Variants in EPDR1 observed in about 807,000 individuals in gnomAD.
EPDR1 encodes ependymin related 1.
Under a neutral mutation model 23.7 loss-of-function variants are expected in EPDR1, and 27 were observed. The ratio of observed to expected loss-of-function variants is 1.14; its 90% CI spans 0.84 to 1.57. The LOEUF (loss-of-function observed/expected upper bound fraction) is 1.57, where lower values mean the gene tolerates loss of function less well. Among genes scored for constraint, EPDR1 ranks in the 40% most tolerant of loss-of-function variants. The pLI is 0.00. For missense variants in EPDR1, 349 were observed against 290.4 expected, an observed-to-expected ratio of 1.20 and a Z score of -1.47; for synonymous variants, 137 against 118.2, an observed-to-expected ratio of 1.16 and a Z score of -1.03.
Position 37,921,304 on chromosome 7 carries a change from C to A in EPDR1, c.269+96C>A, listed in dbSNP as rs1219859035. On this transcript the variant is annotated intron_variant, in intron 1 of 2. Transcript: ENST00000199448. ...CCTGCGCCCTGTAACTCTTTCCGGC[C>A]CCTTGCAGCTCCTCCCTTCTCCCAG... 2.8e-6 allele frequency: 4 copies of A among 1,454,488 alleles called. No homozygotes were observed. The Admixed American group carries it at 7.9e-5, about 29-fold the overall frequency. The allele number at this position is 1,454,488 out of a possible 1,614,324, so 90.1% of individuals were successfully genotyped here.
chr7:37,949,194 G>T, intron 2 of EPDR1, 146 bp downstream of exon 2: 1 of 701,524 alleles, frequency 1.4e-6, no homozygotes, highest in Non-Finnish European at 2.3e-6. Context: ...AGGTTACTTT[G>T]CTCACTATGT....
chr7:37,932,637 G>A (rs1785968082), intron 1 of EPDR1, among the ~76,000 whole-genome samples: 1 of 152,094 alleles, frequency 6.6e-6, no homozygotes, highest in Non-Finnish European at 1.5e-5. Flanking sequence ...CTGCTAAATG[G>A]CATCATGCTG....
rs1238089074 is a variant in EPDR1, at chr7:37,934,747, C to T, written c.269+13539C>T. On this transcript the variant is annotated intron_variant, in intron 1 of 2. Coordinates refer to ENST00000199448, the MANE Select transcript of EPDR1 (RefSeq NM_017549.5). ...TCACTTGAGGCCAGGAGTTTGAGAC[C>T]ACCCTGGGTAATATGACAAAACCCC... 5.3e-5 allele frequency among the ~76,000 whole-genome samples: 8 copies of T among 152,030 alleles called. No homozygotes were observed. The East Asian group carries it at 1.3e-3, about 26-fold the overall frequency.
intron 1 of EPDR1, among the ~76,000 whole-genome samples, chr7:37,942,322 A>G (rs189353533): frequency 1.6e-4 from 24 of 152,342 alleles, no homozygotes; most frequent in Admixed American, 9.8e-4. Context: ...GCTACAGCGC[A>G]GATAAACTTT....
intron 1 of EPDR1, among the ~76,000 whole-genome samples, chr7:37,934,381 TCC>T (rs1463553178): frequency 6.6e-6 from 1 of 151,824 alleles, no homozygotes; most frequent in Non-Finnish European, 1.5e-5. Flanking sequence ...TTATATCCTC[TCC>T]CAACTACAGT....
At chr7:37,941,195 G>A (rs75208323) in intron 1 of EPDR1, among the ~76,000 whole-genome samples, 5,120 of 152,232 alleles carry the variant, frequency 0.034, 297 homozygotes, top group African/African-American at 0.12. Context: ...AAGATAGATG[G>A]ATGTCATTTA....
Position 37,950,214 on chromosome 7 carries a change from G to A in EPDR1, c.493G>A (p.Gly165Ser). Residue 165 changes from glycine (G) to serine (S), a missense_variant, in exon 3 of 3, where the codon GGC becomes AGC. By Grantham distance (56) the Gly-to-Ser change is moderately conservative. Transcript: ENST00000199448. ...KSARSYETWI[G>S]IYTVKDCYPV... The stretch of plus-strand genomic sequence containing the variant: ...TCCTCTTATAGATGAAACCTGGATT[G>A]GCATCTATACAGTCAAGGATTGCTA... The A allele has an allele frequency of 1.2e-6, 2 of 1,600,270 alleles. No individual in the cohort carries two copies. Among genetic ancestry groups the A allele is most frequent in the Non-Finnish European group, 8.5e-7 (1 of 1,170,134 alleles).
At chr7:37,937,356 AC>A (rs1257859972) in intron 1 of EPDR1, among the ~76,000 whole-genome samples, 29 of 152,214 alleles carry the variant, frequency 1.9e-4, no homozygotes, top group Admixed American at 1.8e-3. Flanking sequence ...ATATGACAAA[AC>A]CCAGAAACAA....
chr7:37,948,470 AGTAGCTGGGACTACAGCT>A (rs1786327540), intron 1 of EPDR1, among the ~76,000 whole-genome samples: 1 of 151,914 alleles, frequency 6.6e-6, no homozygotes, highest in African/African-American at 2.4e-5. Context: ...CAACCTCCCA[AGTAGCTGGGACTACAGCT>A]GTGCACTGCC....
At chr7:37,932,911 C>CT (rs35409374) in intron 1 of EPDR1, among the ~76,000 whole-genome samples, 2 of 152,194 alleles carry the variant, frequency 1.3e-5, no homozygotes, top group East Asian at 3.8e-4. Context: ...TTCTCAAGCA[C>CT]TTTTTTCATC....
At chr7:37,946,406 T>A (rs1786275447) in intron 1 of EPDR1, among the ~76,000 whole-genome samples, 1 of 152,244 alleles carries the variant, frequency 6.6e-6, no homozygotes, top group Non-Finnish European at 1.5e-5. Context: ...GTTTTCTGAC[T>A]TTTTATTAAT....
rs1347900474 is a variant in EPDR1 at position 37,937,984 on chromosome 7, A to ATTTTT, written c.270-10856_270-10855insTTTTT. 5.0e-4 allele frequency among the ~76,000 whole-genome samples: 31 copies of ATTTTT among 62,250 alleles called. 1 individual carries two copies. The highest frequency in any genetic ancestry group is 2.7e-3 in the Admixed American group (13 of 4,800). The allele number at this position is 62,250 out of a possible 152,430, so 40.8% of individuals were successfully genotyped here. A position where few individuals can be genotyped will look rare whatever the true frequency, so the allele number is the denominator to read the frequency against. On this transcript the variant is annotated intron_variant, in intron 1 of 2. Coordinates refer to ENST00000199448, the MANE Select transcript of EPDR1 (RefSeq NM_017549.5). ...ACTGAAGAAAAATGGGTGCCCTTTA[A>ATTTTT]ATTTTTTTTTTTTTTTTTTTTTTTG...
chr7:37,944,303 A>G (rs1225616248), intron 1 of EPDR1, among the ~76,000 whole-genome samples: 1 of 152,186 alleles, frequency 6.6e-6, no homozygotes, highest in Non-Finnish European at 1.5e-5. Context: ...TACATGTGGT[A>G]TGTCCAGCCA....
intron 1 of EPDR1, among the ~76,000 whole-genome samples, chr7:37,931,280 G>A (rs1226005598): frequency 6.6e-6 from 1 of 152,240 alleles, no homozygotes; most frequent in Middle Eastern, 3.4e-3. Flanking sequence ...TTGGGAGGCC[G>A]AGGCGGGTGG....
At chr7:37,923,413 C>T (rs1035528550) in intron 1 of EPDR1, among the ~76,000 whole-genome samples, 41 of 152,232 alleles carry the variant, frequency 2.7e-4, no homozygotes, top group African/African-American at 8.7e-4. Context: ...AAGAGGCCCC[C>T]ATTTTTGGCT....
chr7:37,945,777 A>G (rs947972155), intron 1 of EPDR1, among the ~76,000 whole-genome samples: 1 of 152,168 alleles, frequency 6.6e-6, no homozygotes, highest in African/African-American at 2.4e-5. Context: ...GATTTGTTAC[A>G]CAAGTGAACG....
intron 1 of EPDR1, among the ~76,000 whole-genome samples, chr7:37,924,392 T>C (rs1188597601): frequency 6.6e-6 from 1 of 152,238 alleles, no homozygotes; most frequent in Non-Finnish European, 1.5e-5. Flanking sequence ...GTGGTGGTTC[T>C]GTGCTACCCC....
chr7:37,930,884 TTA>T (rs1402253561), intron 1 of EPDR1, among the ~76,000 whole-genome samples: 3 of 152,246 alleles, frequency 2.0e-5, no homozygotes, highest in Non-Finnish European at 2.9e-5. Flanking sequence ...AGAGGAATTT[TTA>T]TAGTGTGTGT....
chr7:37,939,705 G>A (rs1786132514), intron 1 of EPDR1, among the ~76,000 whole-genome samples: 1 of 152,136 alleles, frequency 6.6e-6, no homozygotes, highest in African/African-American at 2.4e-5. Flanking sequence ...TCTTATGGAT[G>A]TTATACTTAC....
Sources: allele counts gnomAD v4.1 joint callset (sites outside exome capture counted in the v4.1 genomes callset), GRCh38; gene constraint gnomAD v4.1.1; transcripts MANE v1.5; gene names NCBI Gene and HGNC (gene_info 2026-07-23, HGNC 2026-07-21).